CTNNA2: variants seen among roughly 807,000 people sequenced by gnomAD.
CTNNA2 encodes the protein catenin alpha 2.
CTNNA2 carries 42 observed loss-of-function variants against 101.0 expected under a neutral mutation model. The observed-to-expected ratio is 0.42, with a 90% CI of 0.32 to 0.54. The LOEUF (loss-of-function observed/expected upper bound fraction) is 0.54, where lower values mean the gene tolerates loss of function less well. Ranked by LOEUF, CTNNA2 falls within the 20% of genes least tolerant of loss-of-function variation. The pLI is 0.14. For missense variants in CTNNA2, 871 were observed against 1,223.1 expected (o/e 0.71, Z 4.29); for synonymous variants, 450 against 456.4 (o/e 0.99, Z 0.18).
chr2:80,221,777 G>A (rs1708591086), intron 7 of CTNNA2, among the ~76,000 whole-genome samples: 1 of 152,196 alleles, frequency 6.6e-6, no homozygotes, highest in Non-Finnish European at 1.5e-5. Context: ...GAAAGGATGA[G>A]GTGGTATTGG....
intron 7 of CTNNA2, among the ~76,000 whole-genome samples, chr2:80,129,196 A>G (rs1466643021): frequency 6.6e-6 from 1 of 152,164 alleles, no homozygotes; most frequent in African/African-American, 2.4e-5. Context: ...AGAAAGAAAG[A>G]AGGATTATAT....
chr2:80,126,044 G>T (rs1382568701), intron 7 of CTNNA2, among the ~76,000 whole-genome samples: 1 of 152,092 alleles, frequency 6.6e-6, no homozygotes, highest in Non-Finnish European at 1.5e-5. Context: ...TCCCTCTCTT[G>T]CCTGATATAA....
chr2:80,462,631 C>CTTTTTTTTTTTTTTTTTTTTTTTTTTT (rs753815778), intron 9 of CTNNA2, among the ~76,000 whole-genome samples: 1 of 94,772 alleles, frequency 1.1e-5, no homozygotes, highest in African/African-American at 4.6e-5. Context: ...TTCTTTCTTT[C>CTTTTTTTTTTTTTTTTTTTTTTTTTTT]TTTTTTTTTT....
chr2:79,464,830 TG>T (rs1412594212), intron 4 of CTNNA2, among the ~76,000 whole-genome samples: 2 of 152,154 alleles, frequency 1.3e-5, no homozygotes, highest in South Asian at 2.1e-4. Context: ...TTGATGAAGT[TG>T]TTTTTTTTTT....
At chr2:79,605,516 T>C (rs1204517642) in intron 1 of CTNNA2, among the ~76,000 whole-genome samples, 1 of 138,834 alleles carries the variant, frequency 7.2e-6, no homozygotes, top group East Asian at 1.9e-4. Context: ...TAGTTCAAGA[T>C]CAAGGATAAC....
intron 1 of CTNNA2, among the ~76,000 whole-genome samples, chr2:79,531,140 C>A (rs1352721145): frequency 2.1e-5 from 3 of 143,356 alleles, no homozygotes; most frequent in Non-Finnish European, 4.5e-5. Context: ...TAAAGAAGTT[C>A]TTTTGTAAGG....
chr2:79,236,451 G>C (rs1259455971), intron 2 of CTNNA2, among the ~76,000 whole-genome samples: 2 of 152,184 alleles, frequency 1.3e-5, no homozygotes, highest in Admixed American at 6.5e-5. Flanking sequence ...CATTTTGCTG[G>C]TGGAGGGTCT....
At chr2:79,436,488 A>AATT (rs1318413161) in intron 4 of CTNNA2, among the ~76,000 whole-genome samples, 1 of 132,906 alleles carries the variant, frequency 7.5e-6, no homozygotes, top group Non-Finnish European at 1.6e-5. Context: ...GGAGACTTTA[A>AATT]AAACACTGAT....
chr2:80,434,319 A>G (rs1014349153), intron 9 of CTNNA2, among the ~76,000 whole-genome samples: 1 of 152,196 alleles, frequency 6.6e-6, no homozygotes, highest in African/African-American at 2.4e-5. Flanking sequence ...TTTGTTCAAA[A>G]ACATGTATAA....
chr2:80,290,041 G>A (rs1382218189), intron 7 of CTNNA2, among the ~76,000 whole-genome samples: 1 of 152,068 alleles, frequency 6.6e-6, no homozygotes, highest in Non-Finnish European at 1.5e-5. Context: ...CTTTGCATAG[G>A]ACCTCACAGT....
chr2:80,019,773 A>T (rs1441239699), intron 7 of CTNNA2, among the ~76,000 whole-genome samples: 1 of 152,168 alleles, frequency 6.6e-6, no homozygotes, highest in East Asian at 1.9e-4. Flanking sequence ...TATCTGATGA[A>T]GCCCCACTGA....
At chr2:80,100,228 C>G (rs1700461598) in intron 7 of CTNNA2, among the ~76,000 whole-genome samples, 1 of 152,104 alleles carries the variant, frequency 6.6e-6, no homozygotes, top group African/African-American at 2.4e-5. Flanking sequence ...GCCACTGCTC[C>G]CAACCATGCA....
chr2:79,792,170 G>T (rs528323544), intron 3 of CTNNA2, among the ~76,000 whole-genome samples: 1 of 152,110 alleles, frequency 6.6e-6, no homozygotes. Flanking sequence ...CTGAGGTCTT[G>T]TGTTAGATAC....
intron 7 of CTNNA2, among the ~76,000 whole-genome samples, chr2:80,038,429 T>C (rs1695808103): frequency 6.6e-6 from 1 of 152,008 alleles, no homozygotes; most frequent in Admixed American, 6.6e-5. Context: ...AAAAGTAAAA[T>C]TAAATGTGAG....
At chr2:79,205,777 A>G (rs1674092929) in intron 2 of CTNNA2, among the ~76,000 whole-genome samples, 1 of 152,234 alleles carries the variant, frequency 6.6e-6, no homozygotes, top group African/African-American at 2.4e-5. Context: ...GCCTATAAAT[A>G]TCTTTTTCCT....
At chr2:80,070,890 T>C (rs564469702) in intron 7 of CTNNA2, among the ~76,000 whole-genome samples, 2 of 152,176 alleles carry the variant, frequency 1.3e-5, no homozygotes, top group African/African-American at 4.8e-5. Context: ...CATGGTCACA[T>C]TGCCTTCGCT....
chr2:80,195,883 G>A (rs1011745439), intron 7 of CTNNA2, among the ~76,000 whole-genome samples: 2 of 152,100 alleles, frequency 1.3e-5, no homozygotes, highest in African/African-American at 2.4e-5. Flanking sequence ...AAATTGAGAA[G>A]TAGTGTTGCA....
intron 3 of CTNNA2, among the ~76,000 whole-genome samples, chr2:79,314,395 C>G (rs1398961985): frequency 6.6e-6 from 1 of 152,186 alleles, no homozygotes; most frequent in African/African-American, 2.4e-5. Context: ...TCCATGGTAT[C>G]TGGAGGCTAA....
In CTNNA2 at chr2:80,022,959, T is replaced by C. The variant is rs190853982; in HGVS notation, c.1056+113162T>C. ...GATCTCCCTCCAATGGAAAGACAAC[T>C]ATGTTGTCTTGCTAATGACCCAGCA... On this transcript the variant is annotated intron_variant, in intron 7 of 18. Coordinates refer to ENST00000402739, the MANE Select transcript of CTNNA2 (RefSeq NM_001282597.3). Among the ~76,000 whole-genome samples, 361 of 152,310 alleles carry C rather than the reference T, an allele frequency of 2.4e-3. 1 individual carries two copies. Among genetic ancestry groups the C allele is most frequent in the African/African-American group, 8.1e-3 (335 of 41,586 alleles).
Sources: allele counts gnomAD v4.1 joint callset (sites outside exome capture counted in the v4.1 genomes callset), GRCh38; gene constraint gnomAD v4.1.1; transcripts MANE v1.5; gene names NCBI Gene and HGNC (gene_info 2026-07-23, HGNC 2026-07-21).